The following ABCB5 variants were observed in gnomAD, a reference collection of about 807,000 sequenced individuals.
The protein encoded by ABCB5 is ATP binding cassette subfamily B member 5, also known as ATP-binding cassette sub-family B member 5.
Under a neutral mutation model 144.2 loss-of-function variants are expected in ABCB5, and 155 were observed. The ratio of observed to expected loss-of-function variants is 1.08; its 90% CI spans 0.94 to 1.23. The LOEUF (loss-of-function observed/expected upper bound fraction) is 1.23, where lower values mean the gene tolerates loss of function less well. Ranked by LOEUF, ABCB5 falls within the 50% of genes most tolerant of loss-of-function variation. The pLI is 0.00. For missense variants in ABCB5, 1,830 were observed against 1,520.8 expected (o/e 1.20, Z -3.38); for synonymous variants, 610 against 528.6 (o/e 1.15, Z -2.11).
At chr7:20,630,361 T>G (rs1403123234) in intron 4 of ABCB5, among the ~76,000 whole-genome samples, 1 of 152,028 alleles carries the variant, frequency 6.6e-6, no homozygotes, top group East Asian at 1.9e-4. Flanking sequence ...AAATTATACC[T>G]TCTTGTTTTC....
At chr7:20,672,899 T>A (rs1477385715) in intron 14 of ABCB5, among the ~76,000 whole-genome samples, 3 of 152,152 alleles carry the variant, frequency 2.0e-5, no homozygotes, top group Admixed American at 6.5e-5. Context: ...TATTTGTCTG[T>A]CTTTGAGTTT....
intron 26 of ABCB5, among the ~76,000 whole-genome samples, chr7:20,751,626 C>T (rs1485689355): frequency 6.6e-6 from 1 of 152,176 alleles, no homozygotes; most frequent in African/African-American, 2.4e-5. Flanking sequence ...AATTCATGTA[C>T]AATTTAAGCT....
At chr7:20,728,561 C>T (rs1465552219) in intron 23 of ABCB5, 106 bp downstream of exon 23, 1 of 1,290,160 alleles carries the variant, frequency 7.8e-7, no homozygotes, top group South Asian at 1.5e-5. Flanking sequence ...TGAGATCAGC[C>T]TGACCAACAT....
chr7:20,699,112 A>T (rs1786520706), intron 17 of ABCB5, among the ~76,000 whole-genome samples: 1 of 152,194 alleles, frequency 6.6e-6, no homozygotes, highest in African/African-American at 2.4e-5. Flanking sequence ...TTTAAGAAAA[A>T]TTCTGGGGGC....
intron 21 of ABCB5, among the ~76,000 whole-genome samples, chr7:20,725,775 A>C (rs1280675967): frequency 6.6e-6 from 1 of 151,950 alleles, no homozygotes; most frequent in Non-Finnish European, 1.5e-5. Context: ...TTTTTCCTCA[A>C]ACAAGGTTTC....
intron 19 of ABCB5, among the ~76,000 whole-genome samples, chr7:20,702,503 TTAAA>T (rs1427975193): frequency 8.5e-5 from 13 of 152,124 alleles, no homozygotes; most frequent in South Asian, 2.1e-4. Flanking sequence ...GATTAAGAAC[TTAAA>T]TAATCTGTAC....
At position 20,743,138 on chromosome 7, in the gene ABCB5, G is replaced by C. The variant is rs1383356736; in HGVS notation, c.3222+64G>C. On this transcript the variant is annotated intron_variant, in intron 25 of 27. Coordinates refer to ENST00000404938, the MANE Select transcript of ABCB5 (RefSeq NM_001163941.2). ...CAGTCCTATTCTTAAACATTCACTA[G>C]GGCTTAAGCATCCCCACTGGTTTGG... 12 of 1,541,914 alleles carry C rather than the reference G, an allele frequency of 7.8e-6. No individual in the cohort carries two copies. The East Asian group carries it at 2.6e-4, about 33-fold the overall frequency.
intron 20 of ABCB5, among the ~76,000 whole-genome samples, chr7:20,720,918 T>C (rs1781843897): frequency 8.8e-6 from 1 of 113,022 alleles, no homozygotes; most frequent in African/African-American, 3.5e-5. Flanking sequence ...CACTCCAGCC[T>C]GGGCGACAGA....
intron 20 of ABCB5, among the ~76,000 whole-genome samples, chr7:20,711,778 CTCTTTCTT>C (rs1174731019): frequency 0.011 from 524 of 47,114 alleles, 32 homozygotes; most frequent in Middle Eastern, 0.035. Context: ...TTCCTTCTTT[CTCTTTCTT>C]TCTTTCTTTC....
chr7:20,639,562 G>A (rs971181005), intron 5 of ABCB5, among the ~76,000 whole-genome samples: 8 of 152,100 alleles, frequency 5.3e-5, no homozygotes, highest in African/African-American at 1.7e-4. Context: ...TTTTTTGCAT[G>A]TGGCTGTCCA....
chr7:20,655,366 G>A (rs1456704019), intron 13 of ABCB5, among the ~76,000 whole-genome samples: 3 of 151,962 alleles, frequency 2.0e-5, no homozygotes, highest in Non-Finnish European at 4.4e-5. Flanking sequence ...CCAGCTACTC[G>A]AAAGGCTGAG....
rs1178977040 is a variant in ABCB5, at chr7:20,700,107, A to G, written c.2309A>G (p.His770Arg). The change falls in exon 19 of 28, where the codon CAC (histidine) becomes CGC (arginine). Residue 770 changes from histidine (H) to arginine (R), a missense_variant. His to Arg is a conservative substitution (Grantham distance 29). Transcript: ENST00000404938. ...GAAATTTTAACGATGAGATTAAGAC[A>G]CTTGGCCTTCAAAGCCATGTTATAT... ...AGEILTMRLR[H>R]LAFKAMLYQD... 3 of 1,612,286 alleles carry G rather than the reference A, an allele frequency of 1.9e-6. No individual in the cohort carries two copies. Among genetic ancestry groups the G allele is most frequent in the Non-Finnish European group, 2.5e-6 (3 of 1,179,240 alleles).
At chr7:20,616,018 A>T (rs1234867322) in intron 1 of ABCB5, among the ~76,000 whole-genome samples, 181 bp downstream of exon 1, 1 of 152,172 alleles carries the variant, frequency 6.6e-6, no homozygotes, top group Non-Finnish European at 1.5e-5. Flanking sequence ...ATTTTAAAGC[A>T]TCCATACAAT....
At chr7:20,694,599 T>C (rs1786345475) in intron 16 of ABCB5, among the ~76,000 whole-genome samples, 1 of 152,028 alleles carries the variant, frequency 6.6e-6, no homozygotes, top group East Asian at 1.9e-4. Context: ...GCCTGTTCAA[T>C]AAGGCAAGAA....
At position 20,698,445 on chromosome 7, in the gene ABCB5, G is replaced by C. The variant is rs145758664; in HGVS notation, c.2049G>C (p.Lys683Asn). 4 of 1,585,588 alleles carry C rather than the reference G, an allele frequency of 2.5e-6. No individual in the cohort carries two copies. In the African/African-American group the frequency reaches 5.5e-5, roughly 22 times the overall value. Reference sequence around the variant, plus strand: ...AAGTCTCTCTATTAAAAATTTTAAAGTTAAACAAGCCTGAATGGCCTTTTG... The same window carrying C: ...AAGTCTCTCTATTAAAAATTTTAAACTTAAACAAGCCTGAATGGCCTTTTG... Reference protein sequence around the residue: ...LPEVSLLKILKLNKPEWPFVV... With the variant: ...LPEVSLLKILNLNKPEWPFVV... The change falls in exon 17 of 28, where the codon AAG becomes AAC. Residue 683 changes from lysine (K) to asparagine (N), a missense_variant. Transcript: ENST00000404938.
chr7:20,682,371 AAAAGC>A (rs1785858180), intron 15 of ABCB5, among the ~76,000 whole-genome samples: 1 of 152,178 alleles, frequency 6.6e-6, no homozygotes, highest in South Asian at 2.1e-4. Context: ...TGTAAAAAGA[AAAAGC>A]AAGATTGATG....
In ABCB5 at chr7:20,700,076, G is replaced by A; in HGVS notation, c.2278G>A (p.Ala760Thr). 6.2e-7 allele frequency: 1 copy of A among 1,613,780 alleles called. No homozygotes were observed. Among genetic ancestry groups the A allele is most frequent in the Non-Finnish European group, 8.5e-7 (1 of 1,179,842 alleles). The change falls in exon 19 of 28, where the codon GCA becomes ACA. Residue 760 changes from alanine to threonine, a missense_variant. Physicochemically the swap from Ala to Thr is moderately conservative, Grantham distance 58. Coordinates refer to ENST00000404938, the MANE Select transcript of ABCB5 (RefSeq NM_001163941.2). Reference protein sequence around the residue: ...YFMQGLFYGRAGEILTMRLRH... With the variant: ...YFMQGLFYGRTGEILTMRLRH... Reference sequence around the variant, plus strand: ...TTTTCAGGGATTATTTTACGGCAGAGCAGGGGAAATTTTAACGATGAGATT... The same window carrying A: ...TTTTCAGGGATTATTTTACGGCAGAACAGGGGAAATTTTAACGATGAGATT...
intron 15 of ABCB5, among the ~76,000 whole-genome samples, chr7:20,685,102 C>T (rs150076025): frequency 2.4e-4 from 37 of 152,330 alleles, no homozygotes; most frequent in African/African-American, 4.8e-4. Context: ...CCGCACGTCT[C>T]GGTTTCCCAA....
At chr7:20,691,437 A>C (rs1786226459) in intron 16 of ABCB5, among the ~76,000 whole-genome samples, 1 of 151,678 alleles carries the variant, frequency 6.6e-6, no homozygotes, top group Non-Finnish European at 1.5e-5. Flanking sequence ...TCATCCGACT[A>C]CTGATCAGTG....
Sources: gnomAD v4.1 joint callset for allele counts (sites outside exome capture counted in the v4.1 genomes callset) on GRCh38, gnomAD v4.1.1 for gene constraint, MANE v1.5 for transcripts, NCBI Gene and HGNC (gene_info 2026-07-23, HGNC 2026-07-21) for gene names.